Variants in FBXW10B observed in about 807,000 individuals in gnomAD.
FBXW10B encodes F-box and WD repeat domain containing protein 10B.
At chr17:15,607,451 G>A in the FBXW10B span, 192 of 730,902 alleles carry the variant, frequency 2.6e-4, 5 homozygotes, top group East Asian at 5.5e-3. Flanking sequence ...TGCGAGTTTA[G>A]GGCTGGAGCT....
At chr17:15,584,857 A>G in the FBXW10B span, among the ~76,000 whole-genome samples, 51 of 152,298 alleles carry the variant, frequency 3.3e-4, 3 homozygotes, top group South Asian at 7.9e-3. Context: ...GGCCTATCTC[A>G]ATAAATTAAA....
At chr17:15,596,897 A>C in the FBXW10B span, among the ~76,000 whole-genome samples, 2 of 152,176 alleles carry the variant, frequency 1.3e-5, no homozygotes, top group East Asian at 3.9e-4. Context: ...CCCGCAATCC[A>C]GAAGACCTTG....
chr17:15,610,089 T>C, the FBXW10B span, among the ~76,000 whole-genome samples: 2 of 152,112 alleles, frequency 1.3e-5, no homozygotes, highest in Non-Finnish European at 2.9e-5. Context: ...CTTGAACTCC[T>C]GACCTCAGGT....
the FBXW10B span, chr17:15,619,037 A>G: frequency 6.2e-7 from 1 of 1,613,820 alleles, no homozygotes; most frequent in Non-Finnish European, 8.5e-7. Context: ...TCTCAGAAAC[A>G]GGACTCTGAT....
At chr17:15,568,741 C>T in the FBXW10B span, 1,939 of 510,436 alleles carry the variant, frequency 3.8e-3, 9 homozygotes, top group Non-Finnish European at 4.1e-3. Context: ...TTTCCCAAAT[C>T]TTTTTCCTTA....
At chr17:15,612,343 TAAA>T in the FBXW10B span, among the ~76,000 whole-genome samples, 1 of 144,468 alleles carries the variant, frequency 6.9e-6, no homozygotes, top group Non-Finnish European at 1.5e-5. Flanking sequence ...CCGCCTCTAC[TAAA>T]AAAAAAAAAT....
At chr17:15,596,702 A>G in the FBXW10B span, 3 of 1,584,116 alleles carry the variant, frequency 1.9e-6, no homozygotes, top group Non-Finnish European at 1.7e-6. Context: ...GGGAGTGGGG[A>G]AAAAGGGGGA....
At chr17:15,609,498 C>T in the FBXW10B span, among the ~76,000 whole-genome samples, 1 of 151,704 alleles carries the variant, frequency 6.6e-6, no homozygotes, top group African/African-American at 2.4e-5. Flanking sequence ...CCCAAGAAGC[C>T]ACATGGTGGA....
the FBXW10B span, among the ~76,000 whole-genome samples, chr17:15,590,707 G>A: frequency 2.0e-5 from 3 of 150,620 alleles, no homozygotes; most frequent in Non-Finnish European, 4.4e-5. Context: ...CCTTTATAGT[G>A]ATTGTGCAGA....
chr17:15,593,692 G>A, the FBXW10B span, among the ~76,000 whole-genome samples: 6 of 150,312 alleles, frequency 4.0e-5, no homozygotes, highest in East Asian at 2.0e-4. Context: ...GCAACGGTGC[G>A]ATCTTGGCTC....
the FBXW10B span, among the ~76,000 whole-genome samples, chr17:15,606,944 T>C: frequency 2.0e-5 from 3 of 152,194 alleles, no homozygotes; most frequent in South Asian, 6.2e-4. Context: ...GTCCTAGGCC[T>C]AAAATATGGC....
the FBXW10B span, among the ~76,000 whole-genome samples, chr17:15,597,445 G>C: frequency 6.8e-6 from 1 of 147,510 alleles, no homozygotes; most frequent in East Asian, 2.0e-4. Context: ...AGCCAACATG[G>C]TGAAACCCCG....
At chr17:15,598,706 A>G in the FBXW10B span, 1 of 1,597,432 alleles carries the variant, frequency 6.3e-7, no homozygotes, top group Non-Finnish European at 8.5e-7. Context: ...CCAAAGGATC[A>G]TACTGCGTAG....
chr17:15,612,761 T>C, the FBXW10B span: 2 of 1,614,170 alleles, frequency 1.2e-6, no homozygotes, highest in Non-Finnish European at 1.7e-6. Context: ...CATCTACCAT[T>C]TTAGGAACTG....
the FBXW10B span, among the ~76,000 whole-genome samples, chr17:15,582,282 G>C: frequency 1.3e-5 from 2 of 149,528 alleles, no homozygotes; most frequent in South Asian, 4.4e-4. Flanking sequence ...CTGAGATTTA[G>C]CTCTGACCAC....
chr17:15,589,208 T>G, the FBXW10B span: 1 of 1,613,750 alleles, frequency 6.2e-7, no homozygotes, highest in Non-Finnish European at 8.5e-7. Flanking sequence ...GCAAATGTGC[T>G]GATGTGGCAG....
chr17:15,586,957 A>G, the FBXW10B span, among the ~76,000 whole-genome samples: 3 of 151,548 alleles, frequency 2.0e-5, no homozygotes, highest in South Asian at 6.2e-4. Context: ...ACTGTTGTAT[A>G]AGAGGGAAGG....
the FBXW10B span, chr17:15,569,143 G>A: frequency 1.3e-6 from 1 of 745,826 alleles, no homozygotes; most frequent in Non-Finnish European, 1.8e-6. Context: ...CTTTCCTTTT[G>A]TGTAGATACT....
At chr17:15,612,844 C>A in the FBXW10B span, 26 of 1,577,124 alleles carry the variant, frequency 1.6e-5, no homozygotes, top group African/African-American at 1.3e-4. Flanking sequence ...AAAAAAAAAC[C>A]AAAAATAAAA....
Sources: allele counts gnomAD v4.1 joint callset (sites outside exome capture counted in the v4.1 genomes callset), GRCh38; gene constraint gnomAD v4.1.1; transcripts MANE v1.5; gene names NCBI Gene and HGNC (gene_info 2026-07-23, HGNC 2026-07-21).